The following GNAS variants were observed in gnomAD, a reference collection of about 807,000 sequenced individuals.
The protein encoded by GNAS is GNAS complex locus.
Under a neutral mutation model 54.5 loss-of-function variants are expected in GNAS, and 8 were observed. The ratio of observed to expected loss-of-function variants is 0.15; its 90% CI spans 0.09 to 0.26. The LOEUF is 0.26. GNAS is among the 10% of genes least tolerant of loss of function. The probability of loss-of-function intolerance (pLI) is 1.00; values close to 1 mark genes in which losing one functional copy is unlikely to be tolerated. For missense variants in GNAS, 170 were observed against 529.8 expected (o/e 0.32, Z 6.67); for synonymous variants, 204 against 191.4 (o/e 1.07, Z -0.54).
chr20:58,855,492 C>CTT lies in GNAS; in HGVS notation c.43+14607_43+14608insTT, dbSNP rs142555685. On this transcript the variant is annotated intron_variant, in intron 1 of 12. Coordinates refer to the GNAS transcript ENST00000306090. ...AGAAAGTTCCAGGGAGGGACCCTAA[C>CTT]TGCCCTGGGAGCGGGAGGGGATCTT... The CTT allele has an allele frequency of 0.042, 31,970 of 760,758 alleles. 1,699 individuals are homozygous for CTT. The highest frequency in any genetic ancestry group is 0.21 in the African/African-American group (12,202 of 58,026). The allele number at this position is 760,758 out of a possible 1,614,324, so 47.1% of individuals were successfully genotyped here.
At chr20:58,851,349 C>G (rs1352579351) in intron 1 of GNAS, among the ~76,000 whole-genome samples, 2 of 152,082 alleles carry the variant, frequency 1.3e-5, no homozygotes. Flanking sequence ...CCGCCTGCAG[C>G]TCTTATACAG....
intron 1 of GNAS, 43 bp downstream of exon 1, chr20:58,891,908 C>T (rs1217083734): frequency 1.0e-6 from 1 of 986,482 alleles, no homozygotes; most frequent in East Asian, 1.2e-4. Context: ...CGGGGGCCCT[C>T]GAAGGGCGCC....
chr20:58,906,599 T>C (rs1569022568), intron 6 of GNAS, among the ~76,000 whole-genome samples: 1 of 152,230 alleles, frequency 6.6e-6, no homozygotes, highest in Non-Finnish European at 1.5e-5. Context: ...TGGTGCGACC[T>C]TGGCTCACTG....
At chr20:58,885,150 ACG>A (rs1340190236) in intron 1 of GNAS, 1 of 152,276 alleles carries the variant, frequency 6.6e-6, no homozygotes, top group Non-Finnish European at 1.5e-5. Context: ...ATTCCTGCCC[ACG>A]CTGGGGCTCA....
At chr20:58,870,089 A>C (rs967696644) in intron 1 of GNAS, among the ~76,000 whole-genome samples, 2 of 152,186 alleles carry the variant, frequency 1.3e-5, no homozygotes, top group Admixed American at 1.3e-4. Flanking sequence ...ATGGGAATTT[A>C]TTTCTTTCTG....
intron 1 of GNAS, among the ~76,000 whole-genome samples, chr20:58,866,770 GA>G (rs1306547373): frequency 1.9e-4 from 29 of 149,010 alleles, no homozygotes; most frequent in African/African-American, 6.4e-4. Context: ...AAACAAAGGA[GA>G]TTTTTTTCTT....
Position 58,853,950 on chromosome 20 carries a change from G to C in GNAS, c.43+13064G>C, listed in dbSNP as rs1240730979. The C allele has an allele frequency of 6.2e-7, 1 of 1,612,126 alleles. No individual in the cohort carries two copies. The highest frequency in any genetic ancestry group is 1.7e-5 in the Admixed American group (1 of 59,956). ...TGAGGAGACTATGCCATTTGAGCTT[G>C]ATGGAGAAGGATTTGGGGACGACAG... On this transcript the variant is annotated intron_variant, in intron 1 of 12. Coordinates refer to the GNAS transcript ENST00000306090. The surrounding 1 kb of genome is among the most constrained non-coding windows in gnomAD (Gnocchi z 4.4).
chr20:58,889,971 G>A (rs1170186357), upstream of GNAS, among the ~76,000 whole-genome samples: 1 of 151,332 alleles, frequency 6.6e-6, no homozygotes, highest in Non-Finnish European at 1.5e-5. Flanking sequence ...TGCCGAAGCT[G>A]CGGCGGCGGC....
At position 58,891,603 on chromosome 20, in the gene GNAS, C is replaced by T; in HGVS notation, c.-124C>T. 2.1e-6 allele frequency: 2 copies of T among 972,030 alleles called. No homozygotes were observed. Among genetic ancestry groups the T allele is most frequent in the Non-Finnish European group, 2.4e-6 (2 of 822,920 alleles). The allele number at this position is 972,030 out of a possible 1,614,324, so 60.2% of individuals were successfully genotyped here. ...GCAGTCCGCCCCGCGCGCTCCTTGC[C>T]GAGGAGCCGAGCCCGCGCCCGGCCC... On this transcript the variant is annotated 5_prime_UTR_variant, in exon 1 of 13. Coordinates refer to ENST00000371085, the MANE Select transcript of GNAS (RefSeq NM_000516.7).
At chr20:58,887,128 T>C (rs1293170605), upstream of GNAS, among the ~76,000 whole-genome samples, 3 of 152,214 alleles carry the variant, frequency 2.0e-5, no homozygotes, top group East Asian at 5.8e-4. Context: ...AGCTCAGAGA[T>C]TTCCAAATAA....
At position 58,853,048 on chromosome 20, in the gene GNAS, A is replaced by G. The variant is rs2086247620; in HGVS notation, c.43+12162A>G. The G allele has an allele frequency of 8.1e-6, 11 of 1,364,020 alleles. No individual in the cohort carries two copies. The Middle Eastern group carries it at 8.3e-4, about 103-fold the overall frequency. The allele number at this position is 1,364,020 out of a possible 1,614,324, so 84.5% of individuals were successfully genotyped here. On this transcript the variant is annotated intron_variant, in intron 1 of 12. Coordinates refer to the GNAS transcript ENST00000306090. The surrounding 1 kb of genome is among the most constrained non-coding windows in gnomAD (Gnocchi z 4.4). ...ATGAAAAGTGGCCAGGAAGGAGCCAAGACTCCACCAGCAACAATTGAGTTG... is the reference window on the plus strand; with the variant it reads ...ATGAAAAGTGGCCAGGAAGGAGCCAGGACTCCACCAGCAACAATTGAGTTG...
intron 1 of GNAS, among the ~76,000 whole-genome samples, chr20:58,849,551 C>T (rs1361314656): frequency 6.6e-6 from 1 of 152,208 alleles, no homozygotes; most frequent in Non-Finnish European, 1.5e-5. Flanking sequence ...AAATCTCCAT[C>T]CCAACTGCCC....
intron 1 of GNAS, chr20:58,855,969 T>C (rs776348803): frequency 4.6e-4 from 139 of 302,742 alleles, no homozygotes; most frequent in Non-Finnish European, 6.6e-4. Context: ...CACACTCTGG[T>C]GGTACCTGCG....
intron 1 of GNAS, among the ~76,000 whole-genome samples, chr20:58,844,727 C>G (rs551565672): frequency 1.1e-4 from 17 of 151,296 alleles, no homozygotes; most frequent in Non-Finnish European, 1.5e-4. Flanking sequence ...GAAAGTTGCT[C>G]AAATAAAAAG....
At chr20:58,847,834 C>T (rs913812138) in intron 1 of GNAS, among the ~76,000 whole-genome samples, 1 of 152,196 alleles carries the variant, frequency 6.6e-6, no homozygotes, top group African/African-American at 2.4e-5. Context: ...GCTACCTAAA[C>T]TTGAGATATG....
At chr20:58,885,884 A>T (rs1326007502) in intron 1 of GNAS, among the ~76,000 whole-genome samples, 1 of 152,236 alleles carries the variant, frequency 6.6e-6, no homozygotes, top group Non-Finnish European at 1.5e-5. Flanking sequence ...TTACAGCTAA[A>T]GTTTCTGTTT....
chr20:58,894,357 G>T (rs980638183), intron 1 of GNAS, among the ~76,000 whole-genome samples: 4 of 152,156 alleles, frequency 2.6e-5, no homozygotes, highest in African/African-American at 4.8e-5. Flanking sequence ...CCAGAGTTAG[G>T]CTCATTAAGA....
In GNAS at chr20:58,910,315, G is replaced by A; in HGVS notation, c.971-19G>A. The A allele has an allele frequency of 6.4e-7, 1 of 1,571,588 alleles. No individual in the cohort carries two copies. The highest frequency in any genetic ancestry group is 1.1e-5 in the South Asian group (1 of 90,184). On this transcript the variant is annotated intron_variant, in intron 11 of 12. Coordinates refer to ENST00000371085, the MANE Select transcript of GNAS (RefSeq NM_000516.7). This position sits in a 1 kb window ranked among gnomAD's most constrained non-coding sequence, Gnocchi z 5.8. Reference sequence around the variant, plus strand: ...CTTGAATTTTAAATTACATTAATATGTATTCCCTTTTTATATAGCTACTCC... The same window carrying A: ...CTTGAATTTTAAATTACATTAATATATATTCCCTTTTTATATAGCTACTCC...
intron 6 of GNAS, among the ~76,000 whole-genome samples, chr20:58,908,266 C>G (rs943516345): frequency 6.6e-6 from 1 of 152,056 alleles, no homozygotes; most frequent in African/African-American, 2.4e-5. Flanking sequence ...TATTAATTAC[C>G]CCAATCTTTC....
Sources: allele counts gnomAD v4.1 joint callset (sites outside exome capture counted in the v4.1 genomes callset), GRCh38; gene constraint gnomAD v4.1.1; non-coding constraint Gnocchi (gnomAD v3.1); transcripts MANE v1.5; gene names NCBI Gene and HGNC (gene_info 2026-07-23, HGNC 2026-07-21).